Variants in CDYL2 observed in about 807,000 individuals in gnomAD.
The protein encoded by CDYL2 is chromodomain Y like 2.
CDYL2 carries 23 observed loss-of-function variants against 49.4 expected under a neutral mutation model. That is an observed-to-expected ratio of 0.47 (90% CI 0.34 to 0.66). The LOEUF (loss-of-function observed/expected upper bound fraction) is 0.66. Ranked by LOEUF, CDYL2 falls within the 30% of genes least tolerant of loss-of-function variation. The pLI, the probability that CDYL2 is intolerant of heterozygous loss-of-function variation, is 0.01. For synonymous variants in CDYL2, 360 were observed against 268.8 expected, an observed-to-expected ratio of 1.34 and a Z score of -3.32; for missense variants, 678 against 656.4, an observed-to-expected ratio of 1.03 and a Z score of -0.36.
intron 1 of CDYL2, among the ~76,000 whole-genome samples, chr16:80,729,027 G>C (rs895352259): frequency 1.8e-4 from 27 of 151,814 alleles, no homozygotes; most frequent in Non-Finnish European, 3.1e-4. Flanking sequence ...TCGAGACTAG[G>C]AAGAAACTGC....
At chr16:80,666,628 G>C (rs997862295) in intron 2 of CDYL2, among the ~76,000 whole-genome samples, 1 of 152,202 alleles carries the variant, frequency 6.6e-6, no homozygotes, top group African/African-American at 2.4e-5. Context: ...TGTCGTTGCT[G>C]TGAAGAGCCC....
chr16:80,632,724 T>C lies in CDYL2; in HGVS notation c.834+295A>G, dbSNP rs886479213. The C allele has an allele frequency of 1.9e-5, 7 of 363,944 alleles. No individual in the cohort carries two copies. In the Admixed American group the frequency reaches 2.4e-4, roughly 12 times the overall value. The allele number at this position is 363,944 out of a possible 1,614,324, so 22.5% of individuals were successfully genotyped here. A position where few individuals can be genotyped will look rare whatever the true frequency, so the allele number is the denominator to read the frequency against. ...TTAGCTGGAAAAGCCCAAGATGTGA[T>C]GTTTGGATTCTGGGTCTGCCCCTTG... On this transcript the variant is annotated intron_variant, in intron 3 of 6. Transcript: ENST00000570137.
intron 2 of CDYL2, among the ~76,000 whole-genome samples, chr16:80,651,154 T>C (rs1908565851): frequency 6.6e-6 from 1 of 152,194 alleles, no homozygotes; most frequent in African/African-American, 2.4e-5. Context: ...AGAGGGTGGA[T>C]ACCCCATTTT....
At chr16:80,750,081 G>A (rs1276128059) in intron 1 of CDYL2, among the ~76,000 whole-genome samples, 1 of 148,836 alleles carries the variant, frequency 6.7e-6, no homozygotes, top group African/African-American at 2.5e-5. Context: ...ACCGGGGCCT[G>A]TTGTGGGGTG....
intron 2 of CDYL2, among the ~76,000 whole-genome samples, chr16:80,647,535 G>A (rs1908404207): frequency 6.6e-6 from 1 of 152,062 alleles, no homozygotes. Context: ...GGATCACCCA[G>A]ATATATAAAG....
chr16:80,740,559 A>G (rs1348113933), intron 1 of CDYL2, among the ~76,000 whole-genome samples: 2 of 152,208 alleles, frequency 1.3e-5, no homozygotes, highest in Non-Finnish European at 2.9e-5. Flanking sequence ...ATGAGAAGTG[A>G]TCTATACAAA....
intron 2 of CDYL2, among the ~76,000 whole-genome samples, chr16:80,649,545 C>G (rs535992852): frequency 1.1e-3 from 162 of 152,160 alleles, no homozygotes; most frequent in African/African-American, 3.9e-3. Context: ...GCCATACTAC[C>G]CAAAGTAATC....
At chr16:80,796,939 T>A (rs1315550793) in intron 1 of CDYL2, among the ~76,000 whole-genome samples, 2 of 152,122 alleles carry the variant, frequency 1.3e-5, no homozygotes, top group East Asian at 3.8e-4. Context: ...CAAAGGACAT[T>A]ATTAACCATC....
At chr16:80,781,170 G>C (rs970216001) in intron 1 of CDYL2, among the ~76,000 whole-genome samples, 1 of 152,142 alleles carries the variant, frequency 6.6e-6, no homozygotes, top group Non-Finnish European at 1.5e-5. Flanking sequence ...CATCACATCA[G>C]AAAACCAAAG....
At chr16:80,604,594 C>T (rs373119495) in intron 6 of CDYL2, 48 bp from the exon 7 acceptor site, 8 of 1,603,986 alleles carry the variant, frequency 5.0e-6, no homozygotes, top group Middle Eastern at 3.4e-4. Context: ...AGGGACTCTG[C>T]TCCAGAACTA....
At chr16:80,670,809 AG>A in intron 2 of CDYL2, 1 of 423,054 alleles carries the variant, frequency 2.4e-6, no homozygotes, top group South Asian at 1.6e-5. Flanking sequence ...TGGCGCTCCC[AG>A]GAACACCACA....
At chr16:80,698,598 C>A (rs966046030) in intron 1 of CDYL2, among the ~76,000 whole-genome samples, 1 of 152,102 alleles carries the variant, frequency 6.6e-6, no homozygotes, top group Non-Finnish European at 1.5e-5. Flanking sequence ...ATTATGGGGG[C>A]ACAGTTCTCA....
chr16:80,773,709 G>A (rs1004393309), intron 1 of CDYL2, among the ~76,000 whole-genome samples: 1 of 152,028 alleles, frequency 6.6e-6, no homozygotes, highest in Non-Finnish European at 1.5e-5. Flanking sequence ...ATGGAAACTA[G>A]AAGTGTTTTA....
chr16:80,787,809 C>G (rs16954023), intron 1 of CDYL2, among the ~76,000 whole-genome samples: 2,060 of 152,226 alleles, frequency 0.014, 34 homozygotes, highest in African/African-American at 0.046. Flanking sequence ...GTTTTACTTA[C>G]TTGAACATAT....
At chr16:80,618,468 G>C (rs1193989918) in intron 4 of CDYL2, among the ~76,000 whole-genome samples, 2 of 152,212 alleles carry the variant, frequency 1.3e-5, no homozygotes, top group Non-Finnish European at 2.9e-5. Flanking sequence ...CACAAATGCA[G>C]GGATAGGTCA....
intron 1 of CDYL2, among the ~76,000 whole-genome samples, chr16:80,803,144 T>C (rs774846118): frequency 2.9e-4 from 44 of 152,212 alleles, no homozygotes; most frequent in Non-Finnish European, 5.0e-4. Flanking sequence ...CTGTTCCTTG[T>C]GTTGTCCACT....
intron 1 of CDYL2, among the ~76,000 whole-genome samples, chr16:80,745,312 G>A (rs528153927): frequency 2.0e-4 from 30 of 152,212 alleles, no homozygotes; most frequent in African/African-American, 6.7e-4. Flanking sequence ...TGGAAAAGCC[G>A]ATCACCATTC....
chr16:80,616,495 G>A (rs1419613714), intron 4 of CDYL2, among the ~76,000 whole-genome samples: 1 of 152,194 alleles, frequency 6.6e-6, no homozygotes, highest in Non-Finnish European at 1.5e-5. Flanking sequence ...TTCCCCTGGA[G>A]CAATCGGCAT....
At chr16:80,677,464 C>T (rs577927869) in intron 2 of CDYL2, among the ~76,000 whole-genome samples, 172 of 152,200 alleles carry the variant, frequency 1.1e-3, no homozygotes, top group Non-Finnish European at 2.2e-3. Context: ...GTCGGCCAGG[C>T]GCAGTGGCGC....
Sources: allele counts gnomAD v4.1 joint callset (sites outside exome capture counted in the v4.1 genomes callset), GRCh38; gene constraint gnomAD v4.1.1; transcripts MANE v1.5; gene names NCBI Gene and HGNC (gene_info 2026-07-23, HGNC 2026-07-21).